EVL: variants seen among roughly 807,000 people sequenced by gnomAD.
EVL encodes ena/VASP-like protein.
Under a neutral mutation model 59.6 loss-of-function variants are expected in EVL, and 21 were observed. That is an observed-to-expected ratio of 0.35 (90% CI 0.25 to 0.51). The LOEUF (loss-of-function observed/expected upper bound fraction) is 0.51, where lower values mean the gene tolerates loss of function less well. Among genes scored for constraint, EVL ranks in the 20% least tolerant of loss-of-function variants. The pLI is 0.97. For synonymous variants in EVL, 198 were observed against 203.5 expected, an observed-to-expected ratio of 0.97 and a Z score of 0.23; for missense variants, 462 against 546.6, an observed-to-expected ratio of 0.85 and a Z score of 1.54.
chr14:99,979,704 C>T (rs192145636), intron 1 of EVL, among the ~76,000 whole-genome samples: 2 of 152,028 alleles, frequency 1.3e-5, no homozygotes, highest in East Asian at 1.9e-4. Flanking sequence ...CCCATCTCTA[C>T]GAAAAGTACA....
intron 2 of EVL, among the ~76,000 whole-genome samples, chr14:100,094,047 A>G (rs553432058): frequency 6.6e-6 from 1 of 152,318 alleles, no homozygotes; most frequent in East Asian, 1.9e-4. Flanking sequence ...AGGGTTCTGT[A>G]CTACCCACAT....
At chr14:100,136,255 C>T (rs914436966) in intron 9 of EVL, among the ~76,000 whole-genome samples, 4 of 152,236 alleles carry the variant, frequency 2.6e-5, no homozygotes, top group South Asian at 2.1e-4. Context: ...ACTTGCCTGA[C>T]GGCACATATT....
At chr14:100,133,505 T>C (rs543468739) in intron 8 of EVL, among the ~76,000 whole-genome samples, 12 of 152,378 alleles carry the variant, frequency 7.9e-5, no homozygotes, top group African/African-American at 2.4e-4. Flanking sequence ...GTCAGGGTCA[T>C]GCTGGTGTTA....
intron 1 of EVL, among the ~76,000 whole-genome samples, chr14:100,019,138 C>G (rs998779066): frequency 6.6e-6 from 1 of 152,166 alleles, no homozygotes; most frequent in African/African-American, 2.4e-5. Flanking sequence ...CAGAATTCTG[C>G]AGAATTTTTC....
At chr14:100,018,476 A>T (rs75769120) in intron 1 of EVL, among the ~76,000 whole-genome samples, 8,810 of 152,294 alleles carry the variant, frequency 0.058, 410 homozygotes, top group African/African-American at 0.13. Context: ...GGAGTTAGTA[A>T]TGCAGGGTTA....
intron 1 of EVL, among the ~76,000 whole-genome samples, chr14:100,018,803 C>T (rs1416019967): frequency 6.6e-6 from 1 of 152,184 alleles, no homozygotes; most frequent in African/African-American, 2.4e-5. Context: ...TCCTTCATGG[C>T]GAGTCTCAGA....
intron 1 of EVL, among the ~76,000 whole-genome samples, chr14:100,001,328 G>GA (rs2060944968): frequency 6.6e-6 from 1 of 152,128 alleles, no homozygotes; most frequent in Non-Finnish European, 1.5e-5. Flanking sequence ...TTATAGCCAG[G>GA]AAAAATTAGA....
At chr14:100,135,121 CAGCACCTGCAGGCT>C (rs1245149276) in intron 8 of EVL, 1 of 152,226 alleles carries the variant, frequency 6.6e-6, no homozygotes, top group African/African-American at 2.4e-5. Context: ...AACCTCATCC[CAGCACCTGCAGGCT>C]GGCACCTGCT....
intron 1 of EVL, among the ~76,000 whole-genome samples, chr14:100,072,014 A>T (rs1181126526): frequency 6.6e-6 from 1 of 152,210 alleles, no homozygotes; most frequent in Admixed American, 6.5e-5. Context: ...TTTCCATTGG[A>T]GATCTGGCAG....
At chr14:99,980,281 T>C (rs919029742) in intron 1 of EVL, among the ~76,000 whole-genome samples, 2 of 152,218 alleles carry the variant, frequency 1.3e-5, no homozygotes, top group African/African-American at 4.8e-5. Flanking sequence ...CAGTAGTTTA[T>C]GTGGTAGAGA....
At chr14:100,026,064 A>T (rs939833933) in intron 1 of EVL, among the ~76,000 whole-genome samples, 3 of 152,050 alleles carry the variant, frequency 2.0e-5, no homozygotes, top group Non-Finnish European at 4.4e-5. Context: ...CAGCCTGGGT[A>T]ACATGGCGAA....
intron 1 of EVL, among the ~76,000 whole-genome samples, chr14:100,024,047 C>T (rs975487640): frequency 3.9e-5 from 6 of 152,238 alleles, no homozygotes; most frequent in South Asian, 2.1e-4. Context: ...TGACTTATTC[C>T]GATTTATTTC....
chr14:100,131,972 A>T (rs1888463539), intron 7 of EVL, among the ~76,000 whole-genome samples: 1 of 152,004 alleles, frequency 6.6e-6, no homozygotes, highest in African/African-American at 2.4e-5. Flanking sequence ...GCCCATTATC[A>T]CACCTCAGAC....
chr14:100,052,866 G>C (rs2140249819), intron 1 of EVL: 1 of 152,494 alleles, frequency 6.6e-6, no homozygotes, highest in Middle Eastern at 3.4e-3. Flanking sequence ...GTTTAAACAA[G>C]ACATTTATTT....
chr14:100,069,552 G>C (rs1025994448), intron 1 of EVL, among the ~76,000 whole-genome samples: 3 of 152,162 alleles, frequency 2.0e-5, no homozygotes, highest in Non-Finnish European at 2.9e-5. Flanking sequence ...CAGAGATCAC[G>C]TAGTCCGTTC....
At chr14:100,103,188 G>GTTT (rs57176151) in intron 3 of EVL, among the ~76,000 whole-genome samples, 1 of 134,602 alleles carries the variant, frequency 7.4e-6, no homozygotes, top group East Asian at 2.1e-4. Context: ...TTCCCAGAGA[G>GTTT]TTTTTTTTTT....
intron 1 of EVL, among the ~76,000 whole-genome samples, chr14:100,046,822 G>A (rs111998576): frequency 0.055 from 8,081 of 146,484 alleles, 328 homozygotes; most frequent in South Asian, 0.11. Context: ...GCGCGACCTC[G>A]GCTCACTGCA....
At chr14:100,138,170 G>A (rs935219032) in intron 11 of EVL, 4 of 336,800 alleles carry the variant, frequency 1.2e-5, no homozygotes, top group Non-Finnish European at 1.1e-5. Flanking sequence ...GCTGCACAGG[G>A]TGGTGGTGGG....
chr14:99,976,660 T>G (rs1260063098), intron 1 of EVL, among the ~76,000 whole-genome samples: 1 of 152,212 alleles, frequency 6.6e-6, no homozygotes, highest in Non-Finnish European at 1.5e-5. Context: ...ATAAGGCACA[T>G]GGGAGCACTT....
Sources: allele counts gnomAD v4.1 joint callset (sites outside exome capture counted in the v4.1 genomes callset), GRCh38; gene constraint gnomAD v4.1.1; transcripts MANE v1.5; gene names NCBI Gene and HGNC (gene_info 2026-07-23, HGNC 2026-07-21).